The following KCNIP4 variants were observed in gnomAD, a reference collection of about 807,000 sequenced individuals.
KCNIP4 encodes potassium voltage-gated channel interacting protein 4, also known as Kv channel-interacting protein 4.
In KCNIP4, 12 loss-of-function variants were observed where a neutral mutation model predicts 34.0. The observed-to-expected ratio is 0.35, with a 90% CI of 0.23 to 0.57. The LOEUF (loss-of-function observed/expected upper bound fraction) is 0.57, where lower values mean the gene tolerates loss of function less well. Among genes scored for constraint, KCNIP4 ranks in the 20% least tolerant of loss-of-function variants. The pLI, the probability that KCNIP4 is intolerant of heterozygous loss-of-function variation, is 0.83. For synonymous variants in KCNIP4, 124 were observed against 102.2 expected, an observed-to-expected ratio of 1.21 and a Z score of -1.29; for missense variants, 238 against 311.7, an observed-to-expected ratio of 0.76 and a Z score of 1.78.
At chr4:21,820,266 C>A (rs1722251746) in intron 1 of KCNIP4, among the ~76,000 whole-genome samples, 3 of 126,866 alleles carry the variant, frequency 2.4e-5, no homozygotes, top group African/African-American at 3.3e-5. Context: ...GTATGTATAT[C>A]TTATGTATGT....
intron 1 of KCNIP4, among the ~76,000 whole-genome samples, chr4:21,251,811 A>G (rs951883370): frequency 6.9e-6 from 1 of 145,510 alleles, no homozygotes; most frequent in African/African-American, 2.5e-5. Flanking sequence ...GAATTGAACA[A>G]TGAGAACACA....
chr4:21,804,242 G>T (rs990750895), intron 1 of KCNIP4, among the ~76,000 whole-genome samples: 1 of 152,208 alleles, frequency 6.6e-6, no homozygotes, highest in Non-Finnish European at 1.5e-5. Context: ...AGAAACAGCA[G>T]TCATGTTAGC....
chr4:20,861,948 T>C (rs184549135), intron 2 of KCNIP4, among the ~76,000 whole-genome samples: 37 of 150,424 alleles, frequency 2.5e-4, no homozygotes, highest in African/African-American at 8.3e-4. Flanking sequence ...TACAGCATCA[T>C]GAATGGCCCC....
At chr4:20,740,371 A>G (rs1262013997) in intron 5 of KCNIP4, among the ~76,000 whole-genome samples, 2 of 152,236 alleles carry the variant, frequency 1.3e-5, no homozygotes, top group Non-Finnish European at 2.9e-5. Flanking sequence ...TCAGACTAAC[A>G]GCGGAACTCT....
intron 1 of KCNIP4, among the ~76,000 whole-genome samples, chr4:20,985,533 G>A (rs1318533790): frequency 2.0e-5 from 3 of 152,122 alleles, no homozygotes; most frequent in African/African-American, 7.2e-5. Context: ...TGGGCATAGT[G>A]ACTGGAAGGC....
chr4:21,103,408 T>G (rs993404337), intron 1 of KCNIP4, among the ~76,000 whole-genome samples: 1 of 147,542 alleles, frequency 6.8e-6, no homozygotes, highest in African/African-American at 2.5e-5. Flanking sequence ...AATATCTAAA[T>G]AGACTGGTTG....
intron 1 of KCNIP4, among the ~76,000 whole-genome samples, chr4:21,491,261 G>A (rs1732372296): frequency 6.6e-6 from 1 of 152,108 alleles, no homozygotes; most frequent in Non-Finnish European, 1.5e-5. Flanking sequence ...TCTGGCCCAT[G>A]AAAACTTCCA....
intron 1 of KCNIP4, among the ~76,000 whole-genome samples, chr4:21,929,294 T>C (rs1223235494): frequency 6.6e-6 from 1 of 152,160 alleles, no homozygotes; most frequent in Admixed American, 6.6e-5. Flanking sequence ...ATGTCAACTT[T>C]ATTGCTAACA....
At chr4:21,884,476 T>C (rs375585055) in intron 1 of KCNIP4, among the ~76,000 whole-genome samples, 1 of 152,092 alleles carries the variant, frequency 6.6e-6, no homozygotes, top group African/African-American at 2.4e-5. Flanking sequence ...GATGGCCAGA[T>C]GGATGGAGCT....
chr4:21,208,956 C>T (rs1180099454), intron 1 of KCNIP4, among the ~76,000 whole-genome samples: 1 of 152,076 alleles, frequency 6.6e-6, no homozygotes, highest in East Asian at 1.9e-4. Context: ...AGAACTCACT[C>T]TCTATAAAGA....
intron 1 of KCNIP4, among the ~76,000 whole-genome samples, chr4:21,497,474 C>T (rs1182091731): frequency 1.3e-5 from 2 of 152,128 alleles, no homozygotes; most frequent in Non-Finnish European, 1.5e-5. Context: ...TGATGAACTC[C>T]TACTCATCCC....
chr4:20,940,908 T>G (rs1378055596), intron 1 of KCNIP4, among the ~76,000 whole-genome samples: 1 of 152,184 alleles, frequency 6.6e-6, no homozygotes, highest in African/African-American at 2.4e-5. Flanking sequence ...GGCTCAGAGA[T>G]AGACACACTG....
At chr4:20,862,082 C>T (rs1722265956) in intron 2 of KCNIP4, among the ~76,000 whole-genome samples, 1 of 151,726 alleles carries the variant, frequency 6.6e-6, no homozygotes, top group African/African-American at 2.4e-5. Flanking sequence ...CCTCCACCTC[C>T]TGGGTTCAAG....
chr4:20,987,688 A>C (rs528305113), intron 1 of KCNIP4, among the ~76,000 whole-genome samples: 1 of 152,292 alleles, frequency 6.6e-6, no homozygotes, highest in South Asian at 2.1e-4. Context: ...TTTAAGTGTC[A>C]GGCACTACTC....
intron 4 of KCNIP4, among the ~76,000 whole-genome samples, chr4:20,756,418 A>C (rs1238891652): frequency 6.6e-6 from 1 of 151,966 alleles, no homozygotes; most frequent in African/African-American, 2.4e-5. Flanking sequence ...TTCTATCCTA[A>C]AGCTATTAAC....
intron 1 of KCNIP4, among the ~76,000 whole-genome samples, chr4:21,807,927 C>A (rs1205597819): frequency 1.3e-5 from 2 of 152,102 alleles, no homozygotes; most frequent in African/African-American, 4.8e-5. Context: ...AGGAATAAAA[C>A]TGGAGGAATA....
At position 21,587,309 on chromosome 4, in the gene KCNIP4, C is replaced by T. The variant is rs962251016; in HGVS notation, c.61+361262G>A. 2.3e-4 allele frequency among the ~76,000 whole-genome samples: 35 copies of T among 152,010 alleles called. 1 individual carries two copies. The highest frequency in any genetic ancestry group is 1.9e-3 in the Admixed American group (29 of 15,226). The stretch of plus-strand genomic sequence containing the variant: ...AGAATGATAATTCCTGACCTATCTC[C>T]TGAAGCTACTGGAAAAATCACAAAT... On this transcript the variant is annotated intron_variant, in intron 1 of 8. Coordinates refer to ENST00000382152, the MANE Select transcript of KCNIP4 (RefSeq NM_025221.6).
At chr4:21,384,545 A>G (rs952535382) in intron 1 of KCNIP4, among the ~76,000 whole-genome samples, 4 of 152,242 alleles carry the variant, frequency 2.6e-5, no homozygotes, top group African/African-American at 4.8e-5. Flanking sequence ...AAAAGGCAGC[A>G]TTAAAACTAC....
chr4:21,039,519 T>C (rs182566105), intron 1 of KCNIP4, among the ~76,000 whole-genome samples: 4 of 152,290 alleles, frequency 2.6e-5, no homozygotes, highest in Admixed American at 2.6e-4. Context: ...ATTAAATTCA[T>C]TCTTATAGGG....
Sources: gnomAD v4.1 joint callset for allele counts (sites outside exome capture counted in the v4.1 genomes callset) on GRCh38, gnomAD v4.1.1 for gene constraint, MANE v1.5 for transcripts, NCBI Gene and HGNC (gene_info 2026-07-23, HGNC 2026-07-21) for gene names.